The following COL26A1 variants were observed in gnomAD, a reference collection of about 807,000 sequenced individuals.
The protein encoded by COL26A1 is collagen alpha-1(XXVI) chain.
In COL26A1, 41 loss-of-function variants were observed where a neutral mutation model predicts 59.3. That is an observed-to-expected ratio of 0.69 (90% CI 0.54 to 0.90). The LOEUF (loss-of-function observed/expected upper bound fraction) is 0.90. Among genes scored for constraint, COL26A1 ranks in the 40% least tolerant of loss-of-function variants. The pLI is 0.00. For synonymous variants in COL26A1, 266 were observed against 256.0 expected (o/e 1.04, Z -0.37); for missense variants, 612 against 602.3 (o/e 1.02, Z -0.17).
intron 3 of COL26A1, among the ~76,000 whole-genome samples, chr7:101,483,667 C>G (rs1794201922): frequency 7.3e-6 from 1 of 137,442 alleles, no homozygotes; most frequent in Admixed American, 7.4e-5. Flanking sequence ...GCCACCATGT[C>G]CAGCTAACTT....
chr7:101,472,494 C>G (rs1158607828), intron 3 of COL26A1, among the ~76,000 whole-genome samples: 2 of 152,128 alleles, frequency 1.3e-5, no homozygotes, highest in Non-Finnish European at 2.9e-5. Flanking sequence ...GGCCATTATT[C>G]AAGATGGAGT....
intron 3 of COL26A1, among the ~76,000 whole-genome samples, chr7:101,519,408 T>C (rs1208205513): frequency 6.6e-6 from 1 of 152,180 alleles, no homozygotes; most frequent in East Asian, 1.9e-4. Context: ...ACTTCTGGGC[T>C]CAAGCGATCA....
chr7:101,409,667 G>A (rs944448397), intron 1 of COL26A1, among the ~76,000 whole-genome samples: 2 of 152,240 alleles, frequency 1.3e-5, no homozygotes, highest in African/African-American at 2.4e-5. Flanking sequence ...GAAACAGCAG[G>A]TGTTGCAGCA....
chr7:101,379,098 C>G (rs1489253526), intron 1 of COL26A1, among the ~76,000 whole-genome samples: 1 of 152,090 alleles, frequency 6.6e-6, no homozygotes, highest in Non-Finnish European at 1.5e-5. Flanking sequence ...TTTTGTCATT[C>G]CTGCTCTTCT....
chr7:101,450,318 C>T (rs1793300351), intron 3 of COL26A1, among the ~76,000 whole-genome samples: 1 of 152,048 alleles, frequency 6.6e-6, no homozygotes, highest in African/African-American at 2.4e-5. Context: ...TCATCTGAGC[C>T]AGAGATTTTA....
At chr7:101,469,057 A>G (rs1007280884) in intron 3 of COL26A1, among the ~76,000 whole-genome samples, 1 of 152,156 alleles carries the variant, frequency 6.6e-6, no homozygotes, top group Admixed American at 6.6e-5. Flanking sequence ...GATCTGGCAG[A>G]GCGCATCAGC....
chr7:101,457,218 G>C (rs929008443), intron 3 of COL26A1, among the ~76,000 whole-genome samples: 1 of 152,036 alleles, frequency 6.6e-6, no homozygotes, highest in Non-Finnish European at 1.5e-5. Flanking sequence ...TCATGAGTCC[G>C]GGTGGGGTCA....
chr7:101,389,298 T>G (rs949903414), intron 1 of COL26A1, among the ~76,000 whole-genome samples: 94 of 152,260 alleles, frequency 6.2e-4, no homozygotes, highest in African/African-American at 2.1e-3. Flanking sequence ...TGAATTGGGT[T>G]GTTTCTATAT....
intron 10 of COL26A1, among the ~76,000 whole-genome samples, chr7:101,551,742 T>TTG (rs1795866268): frequency 8.7e-6 from 1 of 115,172 alleles, no homozygotes; most frequent in Non-Finnish European, 1.8e-5. Context: ...TGAGACTCCA[T>TTG]CTCAAAAAAA....
At chr7:101,419,097 TCCCC>T (rs1562970034) in intron 1 of COL26A1, among the ~76,000 whole-genome samples, 1,562 of 28,444 alleles carry the variant, frequency 0.055, 62 homozygotes, top group African/African-American at 0.16. Flanking sequence ...TCCCCTCCCC[TCCCC>T]TCCCCTCCCC....
At chr7:101,499,405 G>A (rs1401324246) in intron 3 of COL26A1, among the ~76,000 whole-genome samples, 1 of 152,110 alleles carries the variant, frequency 6.6e-6, no homozygotes, top group South Asian at 2.1e-4. Flanking sequence ...AGCCATGGCC[G>A]GGTGCGGTGG....
intron 1 of COL26A1, among the ~76,000 whole-genome samples, chr7:101,388,270 C>A (rs1281804677): frequency 2.6e-5 from 4 of 151,438 alleles, no homozygotes; most frequent in Admixed American, 6.6e-5. Flanking sequence ...GTCAGGAGTT[C>A]AAGACCAGCC....
intron 3 of COL26A1, among the ~76,000 whole-genome samples, chr7:101,480,649 C>T (rs894250626): frequency 3.3e-5 from 5 of 152,102 alleles, no homozygotes; most frequent in East Asian, 3.9e-4. Context: ...TATAGGCGTG[C>T]GTCACCATGC....
Position 101,489,752 on chromosome 7 carries a change from GTCTCTCT to G in COL26A1, c.385+41967_385+41973del, listed in dbSNP as rs1794373764. ...CTCTCTCTTTCTCTCTTTCTTTCTTGTCTCTCTTTCTTTCTTTCTTTCTTTCTTTCTT... is the reference window on the plus strand; with the variant it reads ...CTCTCTCTTTCTCTCTTTCTTTCTTGTTCTTTCTTTCTTTCTTTCTTTCTT... On this transcript the variant is annotated intron_variant, in intron 3 of 12. Coordinates refer to ENST00000313669, the MANE Select transcript of COL26A1 (RefSeq NM_001278563.3). 3.2e-4 allele frequency among the ~76,000 whole-genome samples: 8 copies of G among 25,382 alleles called. No individual in the cohort carries two copies. In the South Asian group the frequency reaches 3.9e-3, roughly 12 times the overall value. 16.7% of individuals were successfully genotyped at this position (25,382 alleles called of 152,430 possible). A position where few individuals can be genotyped will look rare whatever the true frequency, so the allele number is the denominator to read the frequency against.
At chr7:101,402,769 C>G (rs1325522685) in intron 1 of COL26A1, among the ~76,000 whole-genome samples, 6 of 135,954 alleles carry the variant, frequency 4.4e-5, no homozygotes, top group Admixed American at 1.5e-4. Flanking sequence ...CTCCCTTGCC[C>G]CCTTTCCTTT....
chr7:101,426,736 A>C (rs1297809675), intron 2 of COL26A1, among the ~76,000 whole-genome samples: 1 of 152,124 alleles, frequency 6.6e-6, no homozygotes, highest in African/African-American at 2.4e-5. Flanking sequence ...TCCTGCACTG[A>C]GCCTTGCTGT....
At chr7:101,410,109 G>A (rs772969744) in intron 1 of COL26A1, among the ~76,000 whole-genome samples, 1 of 152,078 alleles carries the variant, frequency 6.6e-6, no homozygotes, top group Non-Finnish European at 1.5e-5. Flanking sequence ...GCTAGGGAAT[G>A]GGTGCTACTG....
chr7:101,405,032 G>A (rs182238628), intron 1 of COL26A1, among the ~76,000 whole-genome samples: 16 of 152,104 alleles, frequency 1.1e-4, no homozygotes, highest in Non-Finnish European at 2.4e-4. Flanking sequence ...GACCATCCTG[G>A]CTAACACGGT....
At chr7:101,535,591 G>A (rs1238383913) in intron 4 of COL26A1, among the ~76,000 whole-genome samples, 2 of 152,178 alleles carry the variant, frequency 1.3e-5, no homozygotes, top group African/African-American at 4.8e-5. Flanking sequence ...GCAGGCCCGG[G>A]GCAGAGCTTT....
Sources: allele counts gnomAD v4.1 joint callset (sites outside exome capture counted in the v4.1 genomes callset), GRCh38; gene constraint gnomAD v4.1.1; transcripts MANE v1.5; gene names NCBI Gene and HGNC (gene_info 2026-07-23, HGNC 2026-07-21).